Variants in PACRG observed in about 807,000 individuals in gnomAD.
The protein encoded by PACRG is parkin coregulated gene protein.
PACRG carries 29 observed loss-of-function variants against 29.7 expected under a neutral mutation model. The ratio of observed to expected loss-of-function variants is 0.98; its 90% CI spans 0.73 to 1.33. The LOEUF is 1.33. Ranked by LOEUF, PACRG falls within the 40% of genes most tolerant of loss-of-function variation. The pLI, the probability that PACRG is intolerant of heterozygous loss-of-function variation, is 0.00. For missense variants in PACRG, 279 were observed against 316.2 expected (o/e 0.88, Z 0.89); for synonymous variants, 116 against 118.7 (o/e 0.98, Z 0.15).
chr6:163,010,469 C>A (rs1458565135), intron 2 of PACRG, among the ~76,000 whole-genome samples: 1 of 152,146 alleles, frequency 6.6e-6, no homozygotes, highest in Non-Finnish European at 1.5e-5. Flanking sequence ...CAATCCTACT[C>A]ATCCATCAGT....
At chr6:163,223,671 GAGAAAGTGGTC>G (rs1781673860) in intron 4 of PACRG, among the ~76,000 whole-genome samples, 2 of 152,212 alleles carry the variant, frequency 1.3e-5, no homozygotes, top group South Asian at 4.1e-4. Flanking sequence ...GAACAGGAAA[GAGAAAGTGGTC>G]AGAAAAGGCT....
intron 2 of PACRG, among the ~76,000 whole-genome samples, chr6:163,004,473 G>A (rs1474389388): frequency 6.6e-6 from 1 of 151,618 alleles, no homozygotes; most frequent in African/African-American, 2.4e-5. Flanking sequence ...GCAGGAAGGA[G>A]AAGTGCCAAG....
chr6:163,304,237 T>C (rs1013926722), intron 4 of PACRG, among the ~76,000 whole-genome samples: 1 of 152,182 alleles, frequency 6.6e-6, no homozygotes, highest in Non-Finnish European at 1.5e-5. Context: ...GTAAGTGCTA[T>C]TTCCATGGAT....
At chr6:162,740,359 G>A (rs1286230781) in intron 1 of PACRG, among the ~76,000 whole-genome samples, 8 of 150,984 alleles carry the variant, frequency 5.3e-5, no homozygotes, top group Non-Finnish European at 2.9e-5. Context: ...CACCCAGGCT[G>A]GAGTGCAGTG....
chr6:163,285,029 G>A (rs1401898803), intron 4 of PACRG, among the ~76,000 whole-genome samples: 1 of 152,080 alleles, frequency 6.6e-6, no homozygotes, highest in Non-Finnish European at 1.5e-5. Flanking sequence ...CCAAACAGCA[G>A]CCTCGACTCA....
intron 2 of PACRG, among the ~76,000 whole-genome samples, chr6:162,985,470 A>G (rs1299901497): frequency 6.6e-6 from 1 of 152,144 alleles, no homozygotes; most frequent in Non-Finnish European, 1.5e-5. Context: ...GATCATCTCA[A>G]TAGATGCAGA....
intron 2 of PACRG, among the ~76,000 whole-genome samples, chr6:162,969,457 C>G (rs981352801): frequency 1.3e-5 from 2 of 151,974 alleles, no homozygotes; most frequent in Non-Finnish European, 2.9e-5. Context: ...CCTTGTCGCT[C>G]CACTGTCTCT....
rs17367151 is a variant in PACRG, at chr6:163,025,707, G to T, written c.292-36443G>T. Among the ~76,000 whole-genome samples, 175 of 152,284 alleles carry T rather than the reference G, an allele frequency of 1.1e-3. 1 individual carries two copies. The East Asian group carries it at 0.028, about 24-fold the overall frequency. On this transcript the variant is annotated intron_variant, in intron 2 of 4. Transcript: ENST00000366888. Reference sequence around the variant, plus strand: ...TGAAGCCTTGTCTTTGATTTGCATGGAAAAGAACCAGAAGGTGCTGAGGGG... The same window carrying T: ...TGAAGCCTTGTCTTTGATTTGCATGTAAAAGAACCAGAAGGTGCTGAGGGG...
At chr6:162,956,951 T>C (rs565041706) in intron 2 of PACRG, among the ~76,000 whole-genome samples, 44 of 152,042 alleles carry the variant, frequency 2.9e-4, no homozygotes, top group Non-Finnish European at 5.1e-4. Context: ...ATTCATGACG[T>C]TTACTGCATT....
At chr6:162,966,003 T>C (rs55723249) in intron 2 of PACRG, among the ~76,000 whole-genome samples, 20,480 of 152,180 alleles carry the variant, frequency 0.13, 2,217 homozygotes, top group African/African-American at 0.29. Context: ...GTGGATGGTT[T>C]CAGGAGTGAA....
At chr6:163,281,865 C>T (rs1015480019) in intron 4 of PACRG, among the ~76,000 whole-genome samples, 4 of 151,946 alleles carry the variant, frequency 2.6e-5, no homozygotes, top group South Asian at 2.1e-4. Context: ...TAACTTTAAC[C>T]GATATCTTGA....
chr6:163,235,155 GC>G (rs1332887241), intron 4 of PACRG, among the ~76,000 whole-genome samples: 1 of 152,138 alleles, frequency 6.6e-6, no homozygotes, highest in Admixed American at 6.5e-5. Flanking sequence ...TCCATCGTAA[GC>G]CGGCTGAATG....
intron 2 of PACRG, among the ~76,000 whole-genome samples, chr6:163,057,750 C>A (rs1380167601): frequency 6.6e-6 from 1 of 152,202 alleles, no homozygotes; most frequent in Non-Finnish European, 1.5e-5. Context: ...CTTGTAATAC[C>A]TATACAAATT....
At chr6:163,235,320 A>G (rs1314666834) in intron 4 of PACRG, among the ~76,000 whole-genome samples, 1 of 152,196 alleles carries the variant, frequency 6.6e-6, no homozygotes, top group African/African-American at 2.4e-5. Context: ...TTGATAAAGC[A>G]TCATATAATC....
intron 4 of PACRG, among the ~76,000 whole-genome samples, chr6:163,282,572 C>T (rs1447918982): frequency 6.6e-6 from 1 of 151,896 alleles, no homozygotes; most frequent in Non-Finnish European, 1.5e-5. Flanking sequence ...ATTAGCTGGG[C>T]ATGGTGGTGT....
chr6:163,231,922 C>T (rs1562329122), intron 4 of PACRG, among the ~76,000 whole-genome samples: 1 of 152,362 alleles, frequency 6.6e-6, no homozygotes, highest in East Asian at 1.9e-4. Flanking sequence ...GCTTCACTCT[C>T]AGCTGGAGCT....
chr6:163,143,628 AGTT>A (rs1204928999), intron 4 of PACRG, among the ~76,000 whole-genome samples: 1 of 152,234 alleles, frequency 6.6e-6, no homozygotes, highest in Non-Finnish European at 1.5e-5. Flanking sequence ...GTACATATAC[AGTT>A]GTTAAATCAC....
intron 2 of PACRG, among the ~76,000 whole-genome samples, chr6:162,836,624 C>T (rs967465392): frequency 2.0e-5 from 3 of 152,114 alleles, no homozygotes; most frequent in Non-Finnish European, 4.4e-5. Context: ...TCTTTTGCTT[C>T]TCTCTGCTTC....
intron 2 of PACRG, among the ~76,000 whole-genome samples, chr6:162,876,129 C>T (rs1047353932): frequency 1.3e-5 from 2 of 152,104 alleles, no homozygotes; most frequent in Admixed American, 6.5e-5. Flanking sequence ...TGGAGGGTAG[C>T]GTTTCAATAT....
Sources: allele counts gnomAD v4.1 joint callset (sites outside exome capture counted in the v4.1 genomes callset), GRCh38; gene constraint gnomAD v4.1.1; transcripts MANE v1.5; gene names NCBI Gene and HGNC (gene_info 2026-07-23, HGNC 2026-07-21).